The following ZC3H12C variants were observed in gnomAD, a reference collection of about 807,000 sequenced individuals.
ZC3H12C encodes the protein probable ribonuclease ZC3H12C.
ZC3H12C carries 20 observed loss-of-function variants against 76.3 expected under a neutral mutation model. The observed-to-expected ratio is 0.26, with a 90% CI of 0.18 to 0.38. The LOEUF (loss-of-function observed/expected upper bound fraction) is 0.38. Ranked by LOEUF, ZC3H12C falls within the 10% of genes least tolerant of loss-of-function variation. The probability of loss-of-function intolerance (pLI) is 1.00; values close to 1 mark genes in which losing one functional copy is unlikely to be tolerated. For synonymous variants in ZC3H12C, 352 were observed against 399.6 expected (o/e 0.88, Z 1.42); for missense variants, 874 against 1,086.5 (o/e 0.80, Z 2.75).
chr11:110,156,266 CAAA>C, intron 3 of ZC3H12C, among the ~76,000 whole-genome samples: 1 of 152,108 alleles, frequency 6.6e-6, no homozygotes, highest in East Asian at 1.9e-4. Flanking sequence ...TTCACTGCAA[CAAA>C]AAAGACCCTT....
chr11:110,114,916 T>C (rs1263054943), intron 1 of ZC3H12C, among the ~76,000 whole-genome samples: 1 of 152,194 alleles, frequency 6.6e-6, no homozygotes, highest in African/African-American at 2.4e-5. Context: ...CTGAAAAGTG[T>C]AGCAGTTTAT....
chr11:110,126,172 A>G (rs1291651185), intron 1 of ZC3H12C, among the ~76,000 whole-genome samples: 1 of 150,918 alleles, frequency 6.6e-6, no homozygotes, highest in Non-Finnish European at 1.5e-5. Flanking sequence ...TTCTGATACA[A>G]TTTCTTTTAG....
At chr11:110,134,317 T>G (rs1861916410) in intron 1 of ZC3H12C, among the ~76,000 whole-genome samples, 1 of 152,182 alleles carries the variant, frequency 6.6e-6, no homozygotes, top group Non-Finnish European at 1.5e-5. Flanking sequence ...TACCAAATTA[T>G]TCTTTCACTG....
At chr11:110,114,880 A>G (rs1216660811) in intron 1 of ZC3H12C, among the ~76,000 whole-genome samples, 1 of 152,178 alleles carries the variant, frequency 6.6e-6, no homozygotes, top group Non-Finnish European at 1.5e-5. Context: ...CTTTTCAATA[A>G]TTTATAGATC....
rs1461127873 is a variant in ZC3H12C, at chr11:110,136,748, A to T, written c.107A>T (p.Asp36Val). ...CGTAACAACTTCATGGGCTTGAAGG[A>T]TCACCTAGGGCATGACCTCGGCCAC... ...STRNNFMGLK[D>V]HLGHDLGHLY... Residue 36 changes from aspartate (D) to valine (V), a missense_variant, in exon 2 of 6, where the codon GAT (aspartate) becomes GTT (valine). Coordinates refer to ENST00000278590, the MANE Select transcript of ZC3H12C (RefSeq NM_033390.2). The T allele has an allele frequency of 3.1e-6, 5 of 1,613,880 alleles. No homozygotes were observed. The highest frequency in any genetic ancestry group is 4.2e-6 in the Non-Finnish European group (5 of 1,179,894).
intron 1 of ZC3H12C, among the ~76,000 whole-genome samples, chr11:110,097,885 T>C (rs1861141390): frequency 6.6e-6 from 1 of 152,196 alleles, no homozygotes; most frequent in Admixed American, 6.5e-5. Flanking sequence ...ACTCATATGT[T>C]TGTGGTGGTG....
At chr11:110,093,551 G>T (rs1861050399) in intron 1 of ZC3H12C, 119 bp downstream of exon 1, 3 of 698,680 alleles carry the variant, frequency 4.3e-6, no homozygotes, top group Admixed American at 1.0e-4. Context: ...CGCCGGGGCC[G>T]CAGCGACCTC....
chr11:110,113,518 T>C (rs1861471712), intron 1 of ZC3H12C, among the ~76,000 whole-genome samples: 1 of 152,254 alleles, frequency 6.6e-6, no homozygotes, highest in Admixed American at 6.5e-5. Flanking sequence ...TTGGCTTCTT[T>C]TGCAATTCAA....
intron 1 of ZC3H12C, among the ~76,000 whole-genome samples, chr11:110,115,760 T>C (rs1200061050): frequency 6.3e-4 from 93 of 148,426 alleles, no homozygotes; most frequent in Non-Finnish European, 1.2e-3. Flanking sequence ...TTTTTTTTTT[T>C]TTTTTTTCTT....
chr11:110,145,181 G>A lies in ZC3H12C; in HGVS notation c.774-7738G>A, dbSNP rs375945614. Among the ~76,000 whole-genome samples the A allele has an allele frequency of 7.7e-4, 117 of 152,214 alleles. 1 individual carries two copies. The highest frequency in any genetic ancestry group is 2.7e-3 in the African/African-American group (112 of 41,542). On this transcript the variant is annotated intron_variant, in intron 2 of 5. Coordinates refer to ENST00000278590, the MANE Select transcript of ZC3H12C (RefSeq NM_033390.2). The stretch of plus-strand genomic sequence containing the variant: ...ATTAATAAACAAGCATAATTCTCCG[G>A]TGGCAATTCATATGGTGTAATAGGA...
chr11:110,163,515 A>G, intron 5 of ZC3H12C, 136 bp downstream of exon 5: 1 of 607,404 alleles, frequency 1.6e-6, no homozygotes, highest in Non-Finnish European at 2.7e-6. Context: ...AATTTCAGAA[A>G]ACGTCTTAGC....
At position 110,117,997 on chromosome 11, in the gene ZC3H12C, T is replaced by C. The variant is rs369378797; in HGVS notation, c.22-18666T>C. Among the ~76,000 whole-genome samples, 143 of 97,448 alleles carry C rather than the reference T, an allele frequency of 1.5e-3. 13 individuals carry two copies. Among genetic ancestry groups the C allele is most frequent in the African/African-American group, 4.5e-3 (112 of 24,822 alleles). The allele number at this position is 97,448 out of a possible 152,430, so 63.9% of individuals were successfully genotyped here. A position where few individuals can be genotyped will look rare whatever the true frequency, so the allele number is the denominator to read the frequency against. ...CATATATATTATATATATACACACA[T>C]ATATATTATATATATACACACACAC... On this transcript the variant is annotated intron_variant, in intron 1 of 5. Transcript: ENST00000278590.
At chr11:110,149,576 CTT>C (rs1356895851) in intron 2 of ZC3H12C, among the ~76,000 whole-genome samples, 1 of 152,162 alleles carries the variant, frequency 6.6e-6, no homozygotes. Flanking sequence ...TGTTTGCAGA[CTT>C]TATTTTTATC....
intron 1 of ZC3H12C, among the ~76,000 whole-genome samples, chr11:110,120,903 G>A (rs1350978168): frequency 6.6e-6 from 1 of 152,156 alleles, no homozygotes; most frequent in African/African-American, 2.4e-5. Flanking sequence ...GGCTGAGTCA[G>A]GTATTTAGCT....
chr11:110,165,970 T>A lies in ZC3H12C; in HGVS notation c.*233T>A, dbSNP rs1189317796. 2.1e-6 allele frequency: 1 copy of A among 466,702 alleles called. No homozygotes were observed. The highest frequency in any genetic ancestry group is 3.7e-5 in the East Asian group (1 of 27,266). 28.9% of individuals were successfully genotyped at this position (466,702 alleles called of 1,614,324 possible). ...TTAACATTTCCTTTTTAAAGCTATATCCTTGGCTGGAAATTTTTCCAGTTT... is the reference window on the plus strand; with the variant it reads ...TTAACATTTCCTTTTTAAAGCTATAACCTTGGCTGGAAATTTTTCCAGTTT... On this transcript the variant is annotated 3_prime_UTR_variant, in exon 6 of 6. Coordinates refer to ENST00000278590, the MANE Select transcript of ZC3H12C (RefSeq NM_033390.2).
In ZC3H12C at chr11:110,105,222, T is replaced by G. The variant is rs181407359; in HGVS notation, c.21+11790T>G. On this transcript the variant is annotated intron_variant, in intron 1 of 5. Coordinates refer to ENST00000278590, the MANE Select transcript of ZC3H12C (RefSeq NM_033390.2). ...TGTCTCCTCATTGTTGACTTACACTTTTAAAAAATCTTTGGCATCATTTTC... is the reference window on the plus strand; with the variant it reads ...TGTCTCCTCATTGTTGACTTACACTGTTAAAAAATCTTTGGCATCATTTTC... Among the ~76,000 whole-genome samples the G allele has an allele frequency of 1.3e-4, 20 of 152,338 alleles. No individual in the cohort carries two copies. In the East Asian group the frequency reaches 3.1e-3, roughly 23 times the overall value.
Position 110,169,947 on chromosome 11 carries a change from T to C in ZC3H12C, c.*4210T>C, listed in dbSNP as rs1862646580. On this transcript the variant is annotated 3_prime_UTR_variant, in exon 6 of 6. Coordinates refer to ENST00000278590, the MANE Select transcript of ZC3H12C (RefSeq NM_033390.2). ...GTGGCTGTGTTCCAATAAAACTTTA[T>C]TTACAGAAACGGGAAGCCGGTCAGA... 6.6e-6 allele frequency: 1 copy of C among 152,208 alleles called. No individual in the cohort carries two copies. Among genetic ancestry groups the C allele is most frequent in the African/African-American group, 2.4e-5 (1 of 41,464 alleles). The allele number at this position is 152,208 out of a possible 1,614,324, so 9.4% of individuals were successfully genotyped here.
At chr11:110,145,913 T>G (rs1369295161) in intron 2 of ZC3H12C, among the ~76,000 whole-genome samples, 2 of 152,178 alleles carry the variant, frequency 1.3e-5, no homozygotes, top group Non-Finnish European at 2.9e-5. Flanking sequence ...CAGGACCTAT[T>G]GGCTCGGGAA....
chr11:110,145,385 T>C (rs974329553), intron 2 of ZC3H12C, among the ~76,000 whole-genome samples: 3 of 152,210 alleles, frequency 2.0e-5, no homozygotes, highest in Admixed American at 2.0e-4. Context: ...AATATGTTTG[T>C]TAAGATAATT....
Sources: gnomAD v4.1 joint callset for allele counts (sites outside exome capture counted in the v4.1 genomes callset) on GRCh38, gnomAD v4.1.1 for gene constraint, MANE v1.5 for transcripts, NCBI Gene and HGNC (gene_info 2026-07-23, HGNC 2026-07-21) for gene names.